The following CD226 variants were observed in gnomAD, a reference collection of about 807,000 sequenced individuals.
The protein encoded by CD226 is CD226 molecule.
Under a neutral mutation model 34.9 loss-of-function variants are expected in CD226, and 24 were observed. The observed-to-expected ratio is 0.69, with a 90% confidence interval of 0.50 to 0.97. The LOEUF (loss-of-function observed/expected upper bound fraction) is 0.97. Among genes scored for constraint, CD226 ranks in the 50% least tolerant of loss-of-function variants. The pLI is 0.00. For synonymous variants in CD226, 148 were observed against 147.4 expected (o/e 1.00, Z -0.03); for missense variants, 397 against 412.7 (o/e 0.96, Z 0.33).
At chr18:69,955,233 G>T (rs571522947) in intron 1 of CD226, among the ~76,000 whole-genome samples, 1 of 152,226 alleles carries the variant, frequency 6.6e-6, no homozygotes, top group Non-Finnish European at 1.5e-5. Flanking sequence ...CCTACAATAT[G>T]TCCTGCTTCC....
At chr18:69,874,475 A>G (rs1208893922) in intron 3 of CD226, among the ~76,000 whole-genome samples, 1 of 152,190 alleles carries the variant, frequency 6.6e-6, no homozygotes, top group East Asian at 1.9e-4. Flanking sequence ...CGGGAAAGCG[A>G]ACCTGTCAAT....
chr18:69,948,335 TA>T (rs1266723152), upstream of CD226, among the ~76,000 whole-genome samples: 1 of 152,180 alleles, frequency 6.6e-6, no homozygotes, highest in Admixed American at 6.5e-5. Flanking sequence ...CATGTTAGTA[TA>T]AAAAGTATAC....
intron 2 of CD226, among the ~76,000 whole-genome samples, chr18:69,924,570 C>CA (rs2055496365): frequency 7.0e-6 from 1 of 143,148 alleles, no homozygotes; most frequent in Admixed American, 7.1e-5. Context: ...AAAACCAAAA[C>CA]ATGTTTTTGA....
chr18:69,947,437 T>TG lies in CD226; in HGVS notation c.-32_-31insC. 1 of 1,428,648 alleles carries TG rather than the reference T, an allele frequency of 7.0e-7. No individual in the cohort carries two copies. Among genetic ancestry groups the TG allele is most frequent in the Non-Finnish European group, 9.4e-7 (1 of 1,063,244 alleles). 88.5% of individuals were successfully genotyped at this position (1,428,648 alleles called of 1,614,324 possible). Reference sequence around the variant, plus strand: ...GAAACTGTTTGAAAGGCTGGTTCTATTAAAAAAAAAAATTGCTTTTTATAA... The same window carrying TG: ...GAAACTGTTTGAAAGGCTGGTTCTATGTAAAAAAAAAAATTGCTTTTTATAA... On this transcript the variant is annotated 5_prime_UTR_variant, in exon 1 of 6. Transcript: ENST00000582621.
chr18:69,906,740 C>T (rs2055258807), intron 2 of CD226, among the ~76,000 whole-genome samples: 1 of 152,200 alleles, frequency 6.6e-6, no homozygotes, highest in Admixed American at 6.5e-5. Context: ...ATGGGAAGAA[C>T]TGAAAGATGA....
chr18:69,881,633 C>T (rs1322850733), intron 3 of CD226, among the ~76,000 whole-genome samples: 2 of 152,182 alleles, frequency 1.3e-5, no homozygotes, highest in Non-Finnish European at 2.9e-5. Flanking sequence ...TACGTAGACA[C>T]ATTCCAAATG....
At position 69,863,286 on chromosome 18, in the gene CD226, G is replaced by A. The variant is rs1982924864; in HGVS notation, c.*1028C>T. The A allele has an allele frequency of 6.6e-6, 1 of 151,920 alleles. No homozygotes were observed. Among genetic ancestry groups the A allele is most frequent in the Non-Finnish European group, 1.5e-5 (1 of 67,988 alleles). 9.4% of individuals were successfully genotyped at this position (151,920 alleles called of 1,614,324 possible). A position where few individuals can be genotyped will look rare whatever the true frequency, so the allele number is the denominator to read the frequency against. On this transcript the variant is annotated 3_prime_UTR_variant, in exon 6 of 6. Coordinates refer to ENST00000582621, the MANE Select transcript of CD226 (RefSeq NM_001303618.2). The stretch of plus-strand genomic sequence containing the variant: ...ATAATCATTAAAAAATAATAACTAG[G>A]TGCCTGACCCTTTTGAGAGAATTTA...
chr18:69,873,787 T>C (rs1421110802), intron 3 of CD226, among the ~76,000 whole-genome samples: 1 of 152,080 alleles, frequency 6.6e-6, no homozygotes, highest in Non-Finnish European at 1.5e-5. Flanking sequence ...ACGAGACTCA[T>C]TTGAACCCCA....
At chr18:69,937,309 GAGCCTACTATCTAGAAAAT>G (rs754687414) in intron 2 of CD226, among the ~76,000 whole-genome samples, 1 of 152,064 alleles carries the variant, frequency 6.6e-6, no homozygotes, top group Non-Finnish European at 1.5e-5. Context: ...GGTTACACTG[GAGCCTACTATCTAGAAAAT>G]AGCTGTCTAT....
chr18:69,923,082 G>A (rs1478202716), intron 2 of CD226, among the ~76,000 whole-genome samples: 4 of 151,878 alleles, frequency 2.6e-5, no homozygotes, highest in Non-Finnish European at 5.9e-5. Flanking sequence ...GCAGTGATCC[G>A]AGATTGCGCC....
At chr18:69,900,102 A>G (rs748638565) in intron 2 of CD226, among the ~76,000 whole-genome samples, 1 of 152,232 alleles carries the variant, frequency 6.6e-6, no homozygotes, top group Non-Finnish European at 1.5e-5. Flanking sequence ...ATGCAGCCAT[A>G]AAAAAGAATG....
Position 69,946,846 on chromosome 18 carries a change from G to C in CD226, c.270C>G (p.Asn90Lys). 6.2e-7 allele frequency: 1 copy of C among 1,614,164 alleles called. No individual in the cohort carries two copies. Among genetic ancestry groups the C allele is most frequent in the Non-Finnish European group, 8.5e-7 (1 of 1,180,004 alleles). ...YFLNSTMASNNMTLFFRNASE... is the reference protein window; with the variant it reads ...YFLNSTMASNKMTLFFRNASE... ...AGGCATTCCGAAAGAAAAGAGTCAT[G>C]TTATTGGAAGCCATCGTTGAATTCA... Residue 90 changes from asparagine (N) to lysine (K), a missense_variant, in exon 2 of 6, where the codon AAC becomes AAG. Physicochemically the swap from Asn to Lys is moderately conservative, Grantham distance 94 (BLOSUM62 0). Coordinates refer to ENST00000582621, the MANE Select transcript of CD226 (RefSeq NM_001303618.2).
In CD226 at chr18:69,856,480, T is replaced by C. The variant is rs1422977452; in HGVS notation, c.*7834A>G. The C allele has an allele frequency of 6.6e-6, 1 of 152,178 alleles. No homozygotes were observed. The highest frequency in any genetic ancestry group is 6.5e-5 in the Admixed American group (1 of 15,276). The allele number at this position is 152,178 out of a possible 1,614,324, so 9.4% of individuals were successfully genotyped here. A position where few individuals can be genotyped will look rare whatever the true frequency, so the allele number is the denominator to read the frequency against. On this transcript the variant is annotated 3_prime_UTR_variant, in exon 6 of 6. Transcript: ENST00000582621. ...TTTAATCTAATGGACATTTGTAGAA[T>C]ATTACACTCAACAGCAGAATGAACA...
chr18:69,929,101 G>T (rs1268729121), intron 2 of CD226, among the ~76,000 whole-genome samples: 3 of 152,168 alleles, frequency 2.0e-5, no homozygotes, highest in Non-Finnish European at 4.4e-5. Flanking sequence ...TGGGGATTGT[G>T]GGTGACTCAG....
chr18:69,959,315 G>T (rs7235911), upstream of CD226, among the ~76,000 whole-genome samples: 484 of 152,266 alleles, frequency 3.2e-3, 7 homozygotes, highest in African/African-American at 0.011. Flanking sequence ...ACCACTCAGA[G>T]ATCAACAAGA....
chr18:69,858,470 G>A lies in CD226; in HGVS notation c.*5844C>T, dbSNP rs1317615226. On this transcript the variant is annotated 3_prime_UTR_variant, in exon 6 of 6. Coordinates refer to ENST00000582621, the MANE Select transcript of CD226 (RefSeq NM_001303618.2). ...CTTCCAGATATATTTAAGAGACACT[G>A]ATTTTGGAATAAGTCAGTGAATAAA... 6.6e-6 allele frequency: 1 copy of A among 152,230 alleles called. No individual in the cohort carries two copies. The highest frequency in any genetic ancestry group is 1.9e-4 in the East Asian group (1 of 5,166). The allele number at this position is 152,230 out of a possible 1,614,324, so 9.4% of individuals were successfully genotyped here.
chr18:69,953,137 T>C (rs1314613291), intron 1 of CD226, among the ~76,000 whole-genome samples: 1 of 152,228 alleles, frequency 6.6e-6, no homozygotes, highest in African/African-American at 2.4e-5. Context: ...TGTAAAATGA[T>C]GCAGCTGCTG....
intron 2 of CD226, among the ~76,000 whole-genome samples, chr18:69,941,925 G>A (rs1436062474): frequency 1.3e-5 from 2 of 152,146 alleles, no homozygotes; most frequent in Non-Finnish European, 2.9e-5. Flanking sequence ...CCCGGTGGGA[G>A]GTAGCTGAAT....
chr18:69,941,243 C>G (rs1404320161), intron 2 of CD226, among the ~76,000 whole-genome samples: 2 of 152,230 alleles, frequency 1.3e-5, no homozygotes, highest in African/African-American at 2.4e-5. Context: ...GGGTTGGAGC[C>G]CCCACACAGA....
Sources: gnomAD v4.1 joint callset for allele counts (sites outside exome capture counted in the v4.1 genomes callset) on GRCh38, gnomAD v4.1.1 for gene constraint, MANE v1.5 for transcripts, NCBI Gene and HGNC (gene_info 2026-07-23, HGNC 2026-07-21) for gene names.